Variants in GALNT10 observed in about 807,000 individuals in gnomAD.
GALNT10 encodes polypeptide N-acetylgalactosaminyltransferase 10.
Under a neutral mutation model 75.0 loss-of-function variants are expected in GALNT10, and 41 were observed. That is an observed-to-expected ratio of 0.55 (90% CI 0.43 to 0.71). The LOEUF (loss-of-function observed/expected upper bound fraction) is 0.71, where lower values mean the gene tolerates loss of function less well. Ranked by LOEUF, GALNT10 falls within the 30% of genes least tolerant of loss-of-function variation. The pLI is 0.00. For missense variants in GALNT10, 727 were observed against 818.5 expected, an observed-to-expected ratio of 0.89 and a Z score of 1.36; for synonymous variants, 302 against 313.0, an observed-to-expected ratio of 0.96 and a Z score of 0.37.
intron 4 of GALNT10, among the ~76,000 whole-genome samples, chr5:154,361,549 G>A (rs941424219): frequency 1.3e-5 from 2 of 152,102 alleles, no homozygotes; most frequent in African/African-American, 4.8e-5. Context: ...GTTTCTGATC[G>A]GCTCATATCA....
intron 1 of GALNT10, among the ~76,000 whole-genome samples, chr5:154,225,334 C>T (rs189944463): frequency 2.2e-4 from 34 of 151,884 alleles, no homozygotes; most frequent in African/African-American, 7.2e-4. Flanking sequence ...CCTCGTGATC[C>T]GCCCACCTCG....
chr5:154,282,671 A>G (rs1475305690), intron 1 of GALNT10, among the ~76,000 whole-genome samples: 1 of 152,214 alleles, frequency 6.6e-6, no homozygotes, highest in Non-Finnish European at 1.5e-5. Flanking sequence ...TGAGCTTTGT[A>G]GCCCATTAAG....
intron 1 of GALNT10, among the ~76,000 whole-genome samples, chr5:154,229,041 G>T (rs182730420): frequency 7.2e-4 from 109 of 152,340 alleles, no homozygotes; most frequent in Admixed American, 3.7e-3. Flanking sequence ...TGGAGGTTGG[G>T]TCTTGGTCTT....
chr5:154,246,581 G>C (rs1339288227), intron 1 of GALNT10, among the ~76,000 whole-genome samples: 1 of 152,148 alleles, frequency 6.6e-6, no homozygotes, highest in Admixed American at 6.5e-5. Context: ...ATTTTTTAAT[G>C]TGCCTTTTGG....
chr5:154,255,830 T>TC (rs1381655759), intron 1 of GALNT10, among the ~76,000 whole-genome samples: 1 of 151,468 alleles, frequency 6.6e-6, no homozygotes, highest in Non-Finnish European at 1.5e-5. Context: ...GCAGGAAGCC[T>TC]CCCTTCCCTC....
At chr5:154,191,342 T>G (rs1774855360) in intron 1 of GALNT10, among the ~76,000 whole-genome samples, 1 of 152,068 alleles carries the variant, frequency 6.6e-6, no homozygotes, top group African/African-American at 2.4e-5. Context: ...TCTGCATCCC[T>G]GTATCCCAGG....
At chr5:154,389,990 TA>T (rs1196109676) in intron 7 of GALNT10, among the ~76,000 whole-genome samples, 1 of 152,094 alleles carries the variant, frequency 6.6e-6, no homozygotes, top group Non-Finnish European at 1.5e-5. Context: ...AAGAAAAGGC[TA>T]AAAAACACAC....
chr5:154,307,483 G>T (rs1216689282), intron 3 of GALNT10, among the ~76,000 whole-genome samples: 1 of 152,004 alleles, frequency 6.6e-6, no homozygotes, highest in Non-Finnish European at 1.5e-5. Context: ...AGCCAGGCGT[G>T]GTGGCAGGCG....
At chr5:154,399,270 CA>C (rs1218734938) in intron 7 of GALNT10, among the ~76,000 whole-genome samples, 1 of 152,192 alleles carries the variant, frequency 6.6e-6, no homozygotes, top group East Asian at 1.9e-4. Context: ...GGGCCATGAG[CA>C]GAACCACAGG....
At chr5:154,263,954 A>G (rs747206324) in intron 1 of GALNT10, among the ~76,000 whole-genome samples, 25 of 152,176 alleles carry the variant, frequency 1.6e-4, no homozygotes, top group Non-Finnish European at 3.1e-4. Flanking sequence ...ACTTTATAAG[A>G]ATACTAAAAA....
chr5:154,402,033 G>A lies in GALNT10; in HGVS notation c.1057-2071G>A, dbSNP rs373741087. On this transcript the variant is annotated intron_variant, in intron 7 of 11. Coordinates refer to ENST00000297107, the MANE Select transcript of GALNT10 (RefSeq NM_198321.4). The surrounding 1 kb of genome is among the most constrained non-coding windows in gnomAD (Gnocchi z 4.2). ...GGTCAGGACGGTCTCATATCAGGAC[G>A]ACTGCAAGAGCCTCCCGGGCCTACT... Among the ~76,000 whole-genome samples the A allele has an allele frequency of 1.8e-4, 28 of 152,218 alleles. No individual in the cohort carries two copies. Among genetic ancestry groups the A allele is most frequent in the Non-Finnish European group, 2.8e-4 (19 of 68,006 alleles).
Position 154,295,046 on chromosome 5 carries a change from G to A in GALNT10, c.262+128G>A, listed in dbSNP as rs1581960394. On this transcript the variant is annotated intron_variant, in intron 2 of 11. Coordinates refer to ENST00000297107, the MANE Select transcript of GALNT10 (RefSeq NM_198321.4). ...TTTAGCAGGGGTGTCTGGACCTCCTGTTGGCTCCCTCCCTGTCAGCCACCA... is the reference window on the plus strand; with the variant it reads ...TTTAGCAGGGGTGTCTGGACCTCCTATTGGCTCCCTCCCTGTCAGCCACCA... 1.8e-5 allele frequency: 9 copies of A among 491,700 alleles called. 1 individual carries two copies. In the East Asian group the frequency reaches 3.0e-4, roughly 16 times the overall value. The allele number at this position is 491,700 out of a possible 1,614,324, so 30.5% of individuals were successfully genotyped here. A position where few individuals can be genotyped will look rare whatever the true frequency, so the allele number is the denominator to read the frequency against.
At chr5:154,361,205 A>G (rs1755381328) in intron 4 of GALNT10, among the ~76,000 whole-genome samples, 3 of 152,054 alleles carry the variant, frequency 2.0e-5, no homozygotes. Flanking sequence ...ATCCTTTCCT[A>G]GAGAGCTGCT....
intron 1 of GALNT10, among the ~76,000 whole-genome samples, chr5:154,284,680 T>G (rs906510436): frequency 5.3e-5 from 8 of 152,226 alleles, no homozygotes; most frequent in Non-Finnish European, 1.5e-5. Context: ...AAACCTCTTG[T>G]GAATTGCCCT....
At chr5:154,377,916 A>G (rs1755681627) in intron 5 of GALNT10, among the ~76,000 whole-genome samples, 1 of 152,082 alleles carries the variant, frequency 6.6e-6, no homozygotes, top group Non-Finnish European at 1.5e-5. Flanking sequence ...GGAACAACCC[A>G]TTTGTAGGGT....
intron 3 of GALNT10, among the ~76,000 whole-genome samples, chr5:154,322,037 T>C (rs1395336991): frequency 6.6e-6 from 1 of 152,224 alleles, no homozygotes. Context: ...CAAGTTACCA[T>C]GGATCTGGAA....
At chr5:154,347,769 C>T (rs547525468) in intron 4 of GALNT10, among the ~76,000 whole-genome samples, 2 of 152,320 alleles carry the variant, frequency 1.3e-5, no homozygotes, top group South Asian at 2.1e-4. Flanking sequence ...TTGAGCCAGA[C>T]AAAATATTCA....
chr5:154,321,788 GAGCACCTGCCCCCTAGAC>G (rs547657245), intron 3 of GALNT10, among the ~76,000 whole-genome samples: 1 of 121,256 alleles, frequency 8.2e-6, no homozygotes, highest in East Asian at 3.1e-4. Context: ...AGTGTCTGGA[GAGCACCTGCCCCCTAGAC>G]AGCACCTGCC....
rs1213766850 is a variant in GALNT10, at chr5:154,286,517, A to C, written c.160-8299A>C. Among the ~76,000 whole-genome samples the C allele has an allele frequency of 3.3e-5, 5 of 152,124 alleles. No individual in the cohort carries two copies. The East Asian group carries it at 9.6e-4, about 29-fold the overall frequency. On this transcript the variant is annotated intron_variant, in intron 1 of 11. Transcript: ENST00000297107. ...TGCCCTTTAGATAACAGACATTCCA[A>C]AGTATCTTGGCTTTTTTTTCTCCCT...
Sources: allele counts gnomAD v4.1 joint callset (sites outside exome capture counted in the v4.1 genomes callset), GRCh38; gene constraint gnomAD v4.1.1; non-coding constraint Gnocchi (gnomAD v3.1); transcripts MANE v1.5; gene names NCBI Gene and HGNC (gene_info 2026-07-23, HGNC 2026-07-21).